The following WDR59 variants were observed in gnomAD, a reference collection of about 807,000 sequenced individuals.
The protein encoded by WDR59 is GATOR2 complex protein WDR59.
In WDR59, 100 loss-of-function variants were observed where a neutral mutation model predicts 131.2. The ratio of observed to expected loss-of-function variants is 0.76; its 90% CI spans 0.65 to 0.90. WDR59 has a LOEUF of 0.90. Ranked by LOEUF, WDR59 falls within the 40% of genes least tolerant of loss-of-function variation. The pLI, the probability that WDR59 is intolerant of heterozygous loss-of-function variation, is 0.00. For synonymous variants in WDR59, 601 were observed against 466.2 expected, an observed-to-expected ratio of 1.29 and a Z score of -3.72; for missense variants, 1,203 against 1,262.2, an observed-to-expected ratio of 0.95 and a Z score of 0.71.
At chr16:74,901,103 C>CA (rs1404134497) in intron 18 of WDR59, among the ~76,000 whole-genome samples, 17 of 151,370 alleles carry the variant, frequency 1.1e-4, no homozygotes, top group African/African-American at 3.6e-4. Flanking sequence ...TGTCTCAAAA[C>CA]AAAAAACAAA....
intron 10 of WDR59, among the ~76,000 whole-genome samples, chr16:74,919,332 T>A (rs1254649273): frequency 1.3e-5 from 2 of 151,756 alleles, no homozygotes; most frequent in Non-Finnish European, 2.9e-5. Flanking sequence ...CTTTTTTTTT[T>A]TAATTTTTTG....
At chr16:74,888,421 G>C in intron 21 of WDR59, 102 bp from the exon 22 acceptor site, 2 of 1,267,110 alleles carry the variant, frequency 1.6e-6, no homozygotes, top group Non-Finnish European at 1.1e-6. Context: ...TGGGAAGGGA[G>C]GAGTCTTGAT....
chr16:74,956,429 A>G (rs549639042), intron 3 of WDR59, 46 bp downstream of exon 3: 2 of 1,598,806 alleles, frequency 1.3e-6, no homozygotes, highest in African/African-American at 2.7e-5. Context: ...CCAGCCCCAG[A>G]TGACACATTT....
chr16:74,964,831 G>A (rs372483687), intron 2 of WDR59, among the ~76,000 whole-genome samples: 1 of 152,224 alleles, frequency 6.6e-6, no homozygotes, highest in African/African-American at 2.4e-5. Flanking sequence ...GGGAGGCCAA[G>A]GCAGGTAGAT....
chr16:74,948,025 G>A (rs1210068549), intron 6 of WDR59, among the ~76,000 whole-genome samples: 4 of 151,996 alleles, frequency 2.6e-5, no homozygotes, highest in African/African-American at 2.4e-5. Context: ...AGCCAAGGCT[G>A]CACTACTGCA....
chr16:74,971,027 C>T (rs965840379), intron 1 of WDR59, among the ~76,000 whole-genome samples: 10 of 151,678 alleles, frequency 6.6e-5, no homozygotes, highest in Non-Finnish European at 1.2e-4. Flanking sequence ...CCTGGCTAAA[C>T]GACAAAGCAA....
intron 18 of WDR59, among the ~76,000 whole-genome samples, chr16:74,902,906 G>A (rs1378593792): frequency 3.3e-5 from 5 of 151,556 alleles, no homozygotes; most frequent in African/African-American, 9.7e-5. Context: ...GGGGACTATA[G>A]GAAAGTGTCC....
chr16:74,946,130 T>C (rs2035426392), intron 6 of WDR59, among the ~76,000 whole-genome samples: 1 of 152,196 alleles, frequency 6.6e-6, no homozygotes, highest in Admixed American at 6.5e-5. Flanking sequence ...ACATAACCTT[T>C]ATTGCGGTAC....
intron 8 of WDR59, among the ~76,000 whole-genome samples, chr16:74,932,143 G>T (rs984751496): frequency 6.6e-6 from 1 of 150,654 alleles, no homozygotes. Flanking sequence ...ACCTAAACTG[G>T]AGTGCAGTGG....
Position 74,965,784 on chromosome 16 carries a change from T to A in WDR59, c.93A>T (p.Ala31=), listed in dbSNP as rs376539535. Residue 31 remains alanine (A), a synonymous_variant, in exon 2 of 26, where the codon GCA becomes GCT. Coordinates refer to ENST00000262144, the MANE Select transcript of WDR59 (RefSeq NM_030581.4). ...GCAAGCTTACTTACCCAGAAAGCAC[T>A]GCATGCTGCCCAAGACAGTCCACAG... The part of the protein sequence containing the change: ...AMSVDCLGQH[A]VLSGRRFLYI... 25 of 1,614,164 alleles carry A rather than the reference T, an allele frequency of 1.5e-5. 1 individual carries two copies. In the African/African-American group the frequency reaches 3.2e-4, roughly 21 times the overall value.
intron 8 of WDR59, among the ~76,000 whole-genome samples, chr16:74,929,392 AG>A (rs1248689160): frequency 6.6e-6 from 1 of 152,224 alleles, no homozygotes; most frequent in Non-Finnish European, 1.5e-5. Context: ...CATCTCTCAA[AG>A]GAAGACATAC....
intron 1 of WDR59, among the ~76,000 whole-genome samples, chr16:74,968,158 A>G (rs8044320): frequency 0.48 from 73,084 of 151,918 alleles, 17,949 homozygotes; most frequent in East Asian, 0.72. Flanking sequence ...TTACTGTTTA[A>G]TGGGTACAGA....
rs1199112851 is a variant in WDR59, at chr16:74,872,998, T to C, written c.*1211A>G. ...AATCTCAGCTCGCTGCAACCTCTGC[T>C]TCCCAAGTTCAAGCGATTCTCCTGT... On this transcript the variant is annotated 3_prime_UTR_variant, in exon 26 of 26. Coordinates refer to ENST00000262144, the MANE Select transcript of WDR59 (RefSeq NM_030581.4). 2 of 152,106 alleles carry C rather than the reference T, an allele frequency of 1.3e-5. No homozygotes were observed. Among genetic ancestry groups the C allele is most frequent in the African/African-American group, 4.8e-5 (2 of 41,416 alleles). 9.4% of individuals were successfully genotyped at this position (152,106 alleles called of 1,614,324 possible). A position where few individuals can be genotyped will look rare whatever the true frequency, so the allele number is the denominator to read the frequency against.
At chr16:74,925,258 G>T (rs939804941) in intron 8 of WDR59, among the ~76,000 whole-genome samples, 1 of 152,152 alleles carries the variant, frequency 6.6e-6, no homozygotes, top group Non-Finnish European at 1.5e-5. Flanking sequence ...ATACTAGTCC[G>T]GGTGTGGTAG....
Position 74,874,204 on chromosome 16 carries a change from T to C in WDR59, c.*5A>G, listed in dbSNP as rs1460023178. 1.9e-6 allele frequency: 3 copies of C among 1,611,484 alleles called. No homozygotes were observed. Among genetic ancestry groups the C allele is most frequent in the Non-Finnish European group, 2.5e-6 (3 of 1,178,164 alleles). ...GATTTCAGACAATACCCAACTTCTG[T>C]AGGTTCAGAAAGTGCTTTCAAGCAG... is the stretch of plus-strand genomic sequence containing the variant. On this transcript the variant is annotated 3_prime_UTR_variant, in exon 26 of 26. Coordinates refer to ENST00000262144, the MANE Select transcript of WDR59 (RefSeq NM_030581.4).
At chr16:74,981,435 G>C (rs1381922204) in intron 1 of WDR59, among the ~76,000 whole-genome samples, 6 of 148,922 alleles carry the variant, frequency 4.0e-5, no homozygotes, top group Non-Finnish European at 8.9e-5. Context: ...GTGTGCACCT[G>C]TATTCACAGC....
Position 74,924,015 on chromosome 16 carries a change from C to G in WDR59, c.652-12G>C. The G allele has an allele frequency of 6.2e-7, 1 of 1,612,092 alleles. No homozygotes were observed. Among genetic ancestry groups the G allele is most frequent in the South Asian group, 1.1e-5 (1 of 90,252 alleles). On this transcript the variant is annotated splice_polypyrimidine_tract_variant and intron_variant, in intron 8 of 25. Transcript: ENST00000262144. The stretch of plus-strand genomic sequence containing the variant: ...CGGTAATCCCAGAACTAGAAGAGAG[C>G]AAGCAAGATCATTTGTGAAATAAAT...
chr16:74,956,227 C>A (rs1001978180), intron 3 of WDR59, among the ~76,000 whole-genome samples: 1 of 152,192 alleles, frequency 6.6e-6, no homozygotes, highest in Non-Finnish European at 1.5e-5. Context: ...ATGGATGCAT[C>A]TGCCTGTTTC....
At chr16:74,947,592 A>T (rs1216725414) in intron 6 of WDR59, among the ~76,000 whole-genome samples, 1 of 152,166 alleles carries the variant, frequency 6.6e-6, no homozygotes, top group Non-Finnish European at 1.5e-5. Flanking sequence ...TTTTCAAACA[A>T]TTTGTAACTA....
Sources: allele counts gnomAD v4.1 joint callset (sites outside exome capture counted in the v4.1 genomes callset), GRCh38; gene constraint gnomAD v4.1.1; transcripts MANE v1.5; gene names NCBI Gene and HGNC (gene_info 2026-07-23, HGNC 2026-07-21).